Variants in SLC30A8 observed in about 807,000 individuals in gnomAD.
SLC30A8 encodes the protein proton-coupled zinc antiporter SLC30A8.
Under a neutral mutation model 36.9 loss-of-function variants are expected in SLC30A8, and 27 were observed. The observed-to-expected ratio is 0.73, with a 90% CI of 0.54 to 1.01. SLC30A8 has a LOEUF of 1.01. SLC30A8 is among the 50% of genes least tolerant of loss of function. The pLI is 0.00. For synonymous variants in SLC30A8, 164 were observed against 172.4 expected (o/e 0.95, Z 0.38); for missense variants, 439 against 452.0 (o/e 0.97, Z 0.26).
At chr8:117,001,042 G>A (rs1346137671) in intron 1 of SLC30A8, among the ~76,000 whole-genome samples, 2 of 151,864 alleles carry the variant, frequency 1.3e-5, no homozygotes, top group Non-Finnish European at 2.9e-5. Flanking sequence ...CCACTATGTG[G>A]TTTGTATGAG....
In SLC30A8 at chr8:117,101,253, C is replaced by T. The variant is rs186795676; in HGVS notation, c.-225-34027C>T. 1.5e-3 allele frequency among the ~76,000 whole-genome samples: 222 copies of T among 152,206 alleles called. 1 individual carries two copies. Among genetic ancestry groups the T allele is most frequent in the South Asian group, 5.0e-3 (24 of 4,828 alleles). ...AGTGCGTCTTTCCAGGGCCTTATAT[C>T]TGAATTTTTATCTTGCACACCAAAA... On this transcript the variant is annotated intron_variant, in intron 2 of 10. Transcript: ENST00000427715.
intron 1 of SLC30A8, among the ~76,000 whole-genome samples, chr8:117,015,918 G>C (rs1055153333): frequency 1.3e-5 from 2 of 152,170 alleles, no homozygotes; most frequent in Non-Finnish European, 1.5e-5. Context: ...ATGGGCAGAA[G>C]TACTTGTTGA....
intron 1 of SLC30A8, among the ~76,000 whole-genome samples, chr8:116,953,623 C>A (rs1814079080): frequency 6.6e-6 from 1 of 152,120 alleles, no homozygotes; most frequent in South Asian, 2.1e-4. Context: ...TTGCAGCTTT[C>A]TAGGGTTCTA....
chr8:116,955,642 A>G (rs1445452307), intron 1 of SLC30A8, among the ~76,000 whole-genome samples: 1 of 151,904 alleles, frequency 6.6e-6, no homozygotes, highest in East Asian at 1.9e-4. Flanking sequence ...AAGCACGAGA[A>G]TCGCTTGAAC....
intron 2 of SLC30A8, among the ~76,000 whole-genome samples, chr8:117,049,786 T>C (rs1170462395): frequency 6.6e-6 from 1 of 152,142 alleles, no homozygotes; most frequent in Non-Finnish European, 1.5e-5. Context: ...AGAGCTGATA[T>C]ATAGCTGCTC....
intron 2 of SLC30A8, among the ~76,000 whole-genome samples, chr8:117,059,593 A>G (rs1296256750): frequency 2.6e-5 from 4 of 152,198 alleles, no homozygotes; most frequent in Non-Finnish European, 5.9e-5. Flanking sequence ...GCAGACCTGC[A>G]CTTCAGGCAA....
intron 1 of SLC30A8, among the ~76,000 whole-genome samples, chr8:116,993,278 C>T (rs982729395): frequency 7.9e-5 from 12 of 151,194 alleles, no homozygotes; most frequent in African/African-American, 3.0e-4. Context: ...AAAAATTTTA[C>T]CCAGGACAAT....
At chr8:116,997,232 G>T (rs190820030) in intron 1 of SLC30A8, among the ~76,000 whole-genome samples, 15 of 152,202 alleles carry the variant, frequency 9.9e-5, no homozygotes, top group Admixed American at 2.6e-4. Context: ...ACAAAATGAG[G>T]AACTGCACAG....
intron 2 of SLC30A8, among the ~76,000 whole-genome samples, chr8:117,068,068 C>T (rs982509701): frequency 8.5e-5 from 13 of 152,116 alleles, no homozygotes; most frequent in African/African-American, 2.7e-4. Context: ...AAAGTCATGC[C>T]TAATGAAAAT....
Position 117,175,101 on chromosome 8 carries a change from G to T in SLC30A8, c.*2420G>T, listed in dbSNP as rs1461905525. On this transcript the variant is annotated 3_prime_UTR_variant, in exon 8 of 8. Transcript: ENST00000456015. ...TCTCTCCAGCTATCAAAACATTAATGATCTTTTATGTCTTTTTTTTGTTAT... is the reference window on the plus strand; with the variant it reads ...TCTCTCCAGCTATCAAAACATTAATTATCTTTTATGTCTTTTTTTTGTTAT... 6.6e-6 allele frequency: 1 copy of T among 151,984 alleles called. No individual in the cohort carries two copies. The highest frequency in any genetic ancestry group is 2.4e-5 in the African/African-American group (1 of 41,410). 9.4% of individuals were successfully genotyped at this position (151,984 alleles called of 1,614,324 possible).
intron 1 of SLC30A8, among the ~76,000 whole-genome samples, chr8:116,976,471 C>A (rs1815015971): frequency 6.6e-6 from 1 of 152,122 alleles, no homozygotes; most frequent in South Asian, 2.1e-4. Flanking sequence ...GAAACTAAAA[C>A]CCTAGCTGAC....
At chr8:117,122,640 C>T (rs1392686045) in intron 2 of SLC30A8, among the ~76,000 whole-genome samples, 1 of 151,958 alleles carries the variant, frequency 6.6e-6, no homozygotes, top group Non-Finnish European at 1.5e-5. Context: ...TTGAGGTAGG[C>T]AATTTTAAAC....
intron 2 of SLC30A8, among the ~76,000 whole-genome samples, chr8:117,098,768 A>C (rs899573709): frequency 6.6e-6 from 1 of 152,176 alleles, no homozygotes; most frequent in Non-Finnish European, 1.5e-5. Flanking sequence ...AGAAAAGGCT[A>C]TTCCATTTTG....
intron 1 of SLC30A8, among the ~76,000 whole-genome samples, chr8:116,977,393 T>A (rs573516482): frequency 6.6e-6 from 1 of 151,092 alleles, no homozygotes; most frequent in East Asian, 2.0e-4. Flanking sequence ...GACCTCGTGA[T>A]TCGCCTGCCT....
chr8:116,957,649 T>C (rs1814263812), intron 1 of SLC30A8, among the ~76,000 whole-genome samples: 1 of 152,156 alleles, frequency 6.6e-6, no homozygotes, highest in Non-Finnish European at 1.5e-5. Flanking sequence ...CGAGAAACTC[T>C]GAGACTCAAA....
intron 1 of SLC30A8, among the ~76,000 whole-genome samples, chr8:116,990,503 C>A (rs1014324388): frequency 1.3e-5 from 2 of 152,086 alleles, no homozygotes; most frequent in African/African-American, 4.8e-5. Context: ...AAGCAAAAAT[C>A]AAATCTAGGA....
At chr8:116,980,188 A>G (rs900142868) in intron 1 of SLC30A8, among the ~76,000 whole-genome samples, 27 of 152,184 alleles carry the variant, frequency 1.8e-4, no homozygotes, top group Admixed American at 3.9e-4. Context: ...AACCCCTGCC[A>G]TGTGATTGAT....
At chr8:117,045,995 G>A (rs1412544028) in intron 2 of SLC30A8, among the ~76,000 whole-genome samples, 1 of 149,452 alleles carries the variant, frequency 6.7e-6, no homozygotes, top group African/African-American at 2.5e-5. Flanking sequence ...TAGAATTAAA[G>A]CTGGCTTATG....
chr8:117,077,215 A>T (rs1818517356), intron 2 of SLC30A8, among the ~76,000 whole-genome samples: 1 of 152,180 alleles, frequency 6.6e-6, no homozygotes, highest in African/African-American at 2.4e-5. Flanking sequence ...GATGCCTCAG[A>T]ATCCCCGGAG....
Sources: gnomAD v4.1 joint callset for allele counts (sites outside exome capture counted in the v4.1 genomes callset) on GRCh38, gnomAD v4.1.1 for gene constraint, MANE v1.5 for transcripts, NCBI Gene and HGNC (gene_info 2026-07-23, HGNC 2026-07-21) for gene names.